FBXO11: variants seen among roughly 807,000 people sequenced by gnomAD.
FBXO11 encodes F-box only protein 11.
In FBXO11, 13 loss-of-function variants were observed where a neutral mutation model predicts 117.0. The ratio of observed to expected loss-of-function variants is 0.11; its 90% CI spans 0.07 to 0.18. The LOEUF (loss-of-function observed/expected upper bound fraction) is 0.18. Ranked by LOEUF, FBXO11 falls within the 10% of genes least tolerant of loss-of-function variation. The probability of loss-of-function intolerance (pLI) is 1.00; values close to 1 mark genes in which losing one functional copy is unlikely to be tolerated. For missense variants in FBXO11, 767 were observed against 1,164.4 expected (o/e 0.66, Z 4.97); for synonymous variants, 490 against 380.5 (o/e 1.29, Z -3.35).
chr2:47,833,761 T>C (rs1572808556), intron 7 of FBXO11, among the ~76,000 whole-genome samples: 1 of 152,214 alleles, frequency 6.6e-6, no homozygotes, highest in Non-Finnish European at 1.5e-5. Context: ...TTAGCATCTT[T>C]CTTTGCAATT....
At position 47,845,481 on chromosome 2, in the gene FBXO11, G is replaced by A. The variant is rs867476324; in HGVS notation, c.233-5712C>T. On this transcript the variant is annotated intron_variant, in intron 1 of 22. Transcript: ENST00000403359. ...GTTCTGAGAATCAAGTACAGTGCCA[G>A]AAGTTACTTAAAAAGGGATCATTCT... Among the ~76,000 whole-genome samples the A allele has an allele frequency of 1.0e-3, 152 of 152,242 alleles. 1 individual carries two copies. The highest frequency in any genetic ancestry group is 3.4e-3 in the African/African-American group (140 of 41,538).
At chr2:47,882,438 G>C (rs886212964) in intron 1 of FBXO11, among the ~76,000 whole-genome samples, 7 of 150,344 alleles carry the variant, frequency 4.7e-5, no homozygotes, top group African/African-American at 1.7e-4. Context: ...ATCTCAGCTA[G>C]TTTTTCTTCA....
chr2:47,835,713 G>A (rs1028808880), intron 5 of FBXO11, among the ~76,000 whole-genome samples, 159 bp downstream of exon 5: 1 of 152,174 alleles, frequency 6.6e-6, no homozygotes, highest in Non-Finnish European at 1.5e-5. Context: ...GGCCAAGCTG[G>A]TCTCGAACTC....
chr2:47,813,930 G>A (rs1670815211), intron 16 of FBXO11, 63 bp from the exon 17 acceptor site: 11 of 1,252,100 alleles, frequency 8.8e-6, no homozygotes, highest in Admixed American at 5.1e-5. Flanking sequence ...TTCATGTTAC[G>A]TGAGGTAAAC....
chr2:47,809,492 C>T (rs1670465114), intron 20 of FBXO11, 108 bp downstream of exon 20: 1 of 825,616 alleles, frequency 1.2e-6, no homozygotes. Context: ...CTATCTTAAA[C>T]TGTTGCTAAC....
chr2:47,895,514 G>A (rs930979607), intron 1 of FBXO11, among the ~76,000 whole-genome samples: 3 of 152,180 alleles, frequency 2.0e-5, no homozygotes, highest in Non-Finnish European at 4.4e-5. Flanking sequence ...GGCCCTTCAA[G>A]GGGGACACTT....
chr2:47,810,448 G>C (rs1287860222), intron 18 of FBXO11, 22 bp from the exon 19 acceptor site: 1 of 1,513,020 alleles, frequency 6.6e-7, no homozygotes, highest in South Asian at 1.2e-5. Flanking sequence ...TATTTCCTTA[G>C]ATTAAGGCTA....
At chr2:47,876,317 CAACTT>C (rs1404895456) in intron 1 of FBXO11, among the ~76,000 whole-genome samples, 1 of 152,174 alleles carries the variant, frequency 6.6e-6, no homozygotes, top group Non-Finnish European at 1.5e-5. Flanking sequence ...GCAATCAACT[CAACTT>C]GATTTATCAA....
intron 4 of FBXO11, among the ~76,000 whole-genome samples, chr2:47,838,367 A>G (rs1003292493): frequency 1.3e-5 from 2 of 151,974 alleles, no homozygotes; most frequent in African/African-American, 4.8e-5. Context: ...AATTTTTCTC[A>G]TTATTAACTA....
chr2:47,853,032 A>G (rs773585562), intron 1 of FBXO11, among the ~76,000 whole-genome samples: 3 of 152,158 alleles, frequency 2.0e-5, no homozygotes, highest in Non-Finnish European at 2.9e-5. Flanking sequence ...AAAGAATACC[A>G]TGGAACAGGA....
In FBXO11 at chr2:47,832,897, T is replaced by C. The variant is rs749814211; in HGVS notation, c.1042-17A>G. 7 of 1,611,002 alleles carry C rather than the reference T, an allele frequency of 4.3e-6. No individual in the cohort carries two copies. The highest frequency in any genetic ancestry group is 2.2e-5 in the East Asian group (1 of 44,842). On this transcript the variant is annotated splice_polypyrimidine_tract_variant and intron_variant, in intron 8 of 22. Coordinates refer to ENST00000403359, the MANE Select transcript of FBXO11 (RefSeq NM_001190274.2). Reference sequence around the variant, plus strand: ...AGGGTTAAACTGAAAAGTAAAAATTTTGTTTGAAATAAACAATTACTGCCT... The same window carrying C: ...AGGGTTAAACTGAAAAGTAAAAATTCTGTTTGAAATAAACAATTACTGCCT...
In FBXO11 at chr2:47,810,409, C is replaced by G. The variant is rs1437969331; in HGVS notation, c.2245G>C (p.Asp749His). Residue 749 changes from aspartate (D) to histidine (H), a missense_variant, in exon 19 of 23, where the codon GAT becomes CAT. Coordinates refer to ENST00000403359, the MANE Select transcript of FBXO11 (RefSeq NM_001190274.2). ...CCTGCTTGAGCATTCCTGAAAATAT[C>G]ATTTTCTTCAAGGAGACCTATAATA... ...NGGRGLLEEN[D>H]IFRNAQAGVL... 1 of 1,606,554 alleles carries G rather than the reference C, an allele frequency of 6.2e-7. No individual in the cohort carries two copies. Among genetic ancestry groups the G allele is most frequent in the Non-Finnish European group, 8.5e-7 (1 of 1,175,352 alleles).
At chr2:47,833,904 G>A (rs1197530979) in intron 7 of FBXO11, among the ~76,000 whole-genome samples, 1 of 151,946 alleles carries the variant, frequency 6.6e-6, no homozygotes, top group Non-Finnish European at 1.5e-5. Context: ...CTGACCTGAA[G>A]CGATCCACCC....
intron 4 of FBXO11, among the ~76,000 whole-genome samples, chr2:47,838,605 C>T (rs79309874): frequency 0.16 from 24,221 of 152,076 alleles, 2,081 homozygotes; most frequent in African/African-American, 0.18. Context: ...TAAAAAGCTA[C>T]TAAAAGAAAA....
intron 1 of FBXO11, among the ~76,000 whole-genome samples, chr2:47,894,020 T>C (rs1189126812): frequency 6.6e-6 from 1 of 152,216 alleles, no homozygotes; most frequent in Non-Finnish European, 1.5e-5. Flanking sequence ...TGTTCCTCCT[T>C]TGCTATCTAA....
At chr2:47,880,030 C>T (rs1676321766) in intron 1 of FBXO11, among the ~76,000 whole-genome samples, 2 of 151,644 alleles carry the variant, frequency 1.3e-5, no homozygotes, top group African/African-American at 4.8e-5. Context: ...GGGTCTCACT[C>T]TGTCACCCAG....
At chr2:47,868,391 A>G (rs1386178758) in intron 1 of FBXO11, among the ~76,000 whole-genome samples, 1 of 151,976 alleles carries the variant, frequency 6.6e-6, no homozygotes, top group East Asian at 1.9e-4. Context: ...AATATGCCAC[A>G]GTGTGGGCCT....
chr2:47,833,205 C>G lies in FBXO11; in HGVS notation c.935-135G>C, dbSNP rs28377501. ...TATTCACTATCAGTTAACTATGTTT[C>G]ATCATCAGCCTTTGCTATATTCAAA... On this transcript the variant is annotated intron_variant, in intron 7 of 22. Transcript: ENST00000403359. 0.014 allele frequency: 8,449 copies of G among 619,384 alleles called. 552 individuals are homozygous for G. In the African/African-American group the frequency reaches 0.14, roughly 10 times the overall value. 38.4% of individuals were successfully genotyped at this position (619,384 alleles called of 1,614,324 possible).
chr2:47,826,933 A>C (rs1253973432), intron 11 of FBXO11, among the ~76,000 whole-genome samples: 1 of 152,116 alleles, frequency 6.6e-6, no homozygotes, highest in Non-Finnish European at 1.5e-5. Flanking sequence ...TAGGTTTACC[A>C]ATTTATCTTT....
Sources: allele counts gnomAD v4.1 joint callset (sites outside exome capture counted in the v4.1 genomes callset), GRCh38; gene constraint gnomAD v4.1.1; transcripts MANE v1.5; gene names NCBI Gene and HGNC (gene_info 2026-07-23, HGNC 2026-07-21).